Variants in GRAMD1B observed in about 807,000 individuals in gnomAD.
GRAMD1B encodes the protein GRAM domain containing 1B.
A neutral mutation model predicts 99.7 loss-of-function variants in GRAMD1B; 37 were observed. That is an observed-to-expected ratio of 0.37 (90% CI 0.29 to 0.49). GRAMD1B has a LOEUF of 0.49. Among genes scored for constraint, GRAMD1B ranks in the 20% least tolerant of loss-of-function variants. The pLI is 0.98. For synonymous variants in GRAMD1B, 427 were observed against 387.6 expected, an observed-to-expected ratio of 1.10 and a Z score of -1.19; for missense variants, 888 against 1,009.2, an observed-to-expected ratio of 0.88 and a Z score of 1.63.
Position 123,624,661 on chromosome 11 carries a change from T to G in GRAMD1B, c.*2066T>G, listed in dbSNP as rs1592330588. The G allele has an allele frequency of 6.6e-6, 1 of 152,112 alleles. No homozygotes were observed. The highest frequency in any genetic ancestry group is 1.5e-5 in the Non-Finnish European group (1 of 68,018). The allele number at this position is 152,112 out of a possible 1,614,324, so 9.4% of individuals were successfully genotyped here. A position where few individuals can be genotyped will look rare whatever the true frequency, so the allele number is the denominator to read the frequency against. On this transcript the variant is annotated 3_prime_UTR_variant, in exon 20 of 20. Transcript: ENST00000635736. ...GGCATGGTGCAGACTGCTGGAAATC[T>G]CCCCCTTGGCACAGCCAGAAGCCAA...
At chr11:123,598,123 G>A in intron 7 of GRAMD1B, 1 of 1,591,786 alleles carries the variant, frequency 6.3e-7, no homozygotes, top group Non-Finnish European at 8.6e-7. Flanking sequence ...AGTGAGCAGT[G>A]TTTGGGATGC....
intron 4 of GRAMD1B, among the ~76,000 whole-genome samples, chr11:123,593,262 C>CAAACA (rs1415320630): frequency 6.6e-6 from 1 of 150,702 alleles, no homozygotes; most frequent in Non-Finnish European, 1.5e-5. Context: ...AACAAACAAA[C>CAAACA]AAGATTGTAA....
intron 1 of GRAMD1B, among the ~76,000 whole-genome samples, chr11:123,375,588 C>T (rs544417707): frequency 6.6e-6 from 1 of 152,096 alleles, no homozygotes; most frequent in Non-Finnish European, 1.5e-5. Context: ...TAGCAATGTA[C>T]TAGATGCCAA....
intron 2 of GRAMD1B, chr11:123,525,894 C>T (rs1359479056): frequency 5.5e-6 from 3 of 542,272 alleles, no homozygotes; most frequent in Admixed American, 3.2e-5. Flanking sequence ...GCGGCTCCAG[C>T]CCCAGGCTGG....
chr11:123,403,303 T>C (rs915646710), intron 1 of GRAMD1B, among the ~76,000 whole-genome samples: 1 of 151,656 alleles, frequency 6.6e-6, no homozygotes, highest in Non-Finnish European at 1.5e-5. Context: ...GGTGCATGCC[T>C]GTAGTCCCAG....
chr11:123,526,529 C>T (rs943910381), intron 2 of GRAMD1B, among the ~76,000 whole-genome samples: 4 of 152,208 alleles, frequency 2.6e-5, no homozygotes, highest in Non-Finnish European at 5.9e-5. Context: ...AGGTGTTGTG[C>T]GTCTGCATCA....
Position 123,592,030 on chromosome 11 carries a change from G to C in GRAMD1B, c.685-2052G>C, listed in dbSNP as rs375972366. On this transcript the variant is annotated intron_variant, in intron 4 of 19. Coordinates refer to ENST00000635736, the MANE Select transcript of GRAMD1B (RefSeq NM_001387025.1). ...TATTACTGGATATGTGAGAAGCAAG[G>C]GGGAGAAGGCACTAGGACAGGAAAT... 3.0e-4 allele frequency among the ~76,000 whole-genome samples: 45 copies of C among 152,290 alleles called. No individual in the cohort carries two copies. The East Asian group carries it at 5.4e-3, about 18-fold the overall frequency.
intron 1 of GRAMD1B, among the ~76,000 whole-genome samples, chr11:123,371,210 G>T (rs763930947): frequency 6.6e-6 from 1 of 151,948 alleles, no homozygotes; most frequent in African/African-American, 2.4e-5. Context: ...TTGTTGAGAG[G>T]GTGACTGAGA....
In GRAMD1B at chr11:123,587,472, G is replaced by A. The variant is rs2136410797; in HGVS notation, c.684+3140G>A. Among the ~76,000 whole-genome samples the A allele has an allele frequency of 6.6e-6, 1 of 152,352 alleles. No homozygotes were observed. The highest frequency in any genetic ancestry group is 3.4e-3 in the Middle Eastern group (1 of 294). ...AGAAATAGGGTTTTGCCTTCAGCAG[G>A]GAGCCAAGGGCAGAGTTGAGGGGCA... is the stretch of plus-strand genomic sequence containing the variant. On this transcript the variant is annotated intron_variant, in intron 4 of 19. Coordinates refer to ENST00000635736, the MANE Select transcript of GRAMD1B (RefSeq NM_001387025.1). The surrounding 1 kb of genome is among the most constrained non-coding windows in gnomAD (Gnocchi z 4.2).
rs988226377 is a variant in GRAMD1B at position 123,564,213 on chromosome 11, G to A, written c.453-13154G>A. ...CTGAGGTGATGTGTCCCTGGCCAGA[G>A]AAAAGGCTGGTGATGCTGAGTTAAC... On this transcript the variant is annotated intron_variant, in intron 2 of 19. Transcript: ENST00000635736. Among the ~76,000 whole-genome samples the A allele has an allele frequency of 2.0e-5, 3 of 152,322 alleles. No homozygotes were observed. In the South Asian group the frequency reaches 6.2e-4, roughly 32 times the overall value.
chr11:123,429,254 T>C (rs1187702053), upstream of GRAMD1B, among the ~76,000 whole-genome samples: 5 of 151,980 alleles, frequency 3.3e-5, no homozygotes, highest in Non-Finnish European at 5.9e-5. The surrounding 1 kb of genome is among the most constrained non-coding windows in gnomAD (Gnocchi z 4.0). Flanking sequence ...GGGCTGGGGT[T>C]GAAGGAGGAG....
intron 1 of GRAMD1B, among the ~76,000 whole-genome samples, chr11:123,421,842 A>G (rs1948448000): frequency 6.6e-6 from 1 of 152,182 alleles, no homozygotes; most frequent in Non-Finnish European, 1.5e-5. Context: ...CAAGTTTATC[A>G]CTGAATTAAA....
chr11:123,489,268 T>A (rs1938265838), intron 2 of GRAMD1B, among the ~76,000 whole-genome samples: 1 of 152,162 alleles, frequency 6.6e-6, no homozygotes, highest in African/African-American at 2.4e-5. Context: ...TGAGTTTAAT[T>A]TAGTCATGTA....
rs1004959701 is a variant in GRAMD1B, at chr11:123,626,293, C to T, written c.*3698C>T. ...GCCTTAGAACACTGACACTAAGAAC[C>T]TGGAATGACATGGGGAGGACAAAGA... On this transcript the variant is annotated 3_prime_UTR_variant, in exon 20 of 20. Coordinates refer to ENST00000635736, the MANE Select transcript of GRAMD1B (RefSeq NM_001387025.1). 1.3e-5 allele frequency: 2 copies of T among 152,182 alleles called. No individual in the cohort carries two copies. The highest frequency in any genetic ancestry group is 4.8e-5 in the African/African-American group (2 of 41,430). The allele number at this position is 152,182 out of a possible 1,614,324, so 9.4% of individuals were successfully genotyped here. A position where few individuals can be genotyped will look rare whatever the true frequency, so the allele number is the denominator to read the frequency against.
intron 2 of GRAMD1B, among the ~76,000 whole-genome samples, chr11:123,517,535 T>A (rs1404393565): frequency 6.6e-6 from 1 of 152,076 alleles, no homozygotes; most frequent in Non-Finnish European, 1.5e-5. Context: ...GATGAAGGAG[T>A]TGAGGCTTAG....
At chr11:123,607,798 A>C (rs1791996) in intron 11 of GRAMD1B, 12,799 of 152,290 alleles carry the variant, frequency 0.084, 678 homozygotes, top group Admixed American at 0.16. Flanking sequence ...TGCAGTAATT[A>C]GGGACTGAGG....
intron 1 of GRAMD1B, among the ~76,000 whole-genome samples, chr11:123,440,169 A>G (rs1403882124): frequency 1.3e-4 from 20 of 152,256 alleles, no homozygotes; most frequent in Admixed American, 1.3e-3. Context: ...TAAAAAATGT[A>G]GTGCATGTGC....
intron 1 of GRAMD1B, among the ~76,000 whole-genome samples, chr11:123,376,066 G>A (rs919908195): frequency 1.3e-5 from 2 of 151,578 alleles, no homozygotes; most frequent in African/African-American, 4.9e-5. Flanking sequence ...AGTATGTTCT[G>A]GCTCTGACCT....
At chr11:123,559,211 T>C (rs913410800) in intron 2 of GRAMD1B, among the ~76,000 whole-genome samples, 1 of 152,230 alleles carries the variant, frequency 6.6e-6, no homozygotes, top group African/African-American at 2.4e-5. Context: ...AGAAGATTCT[T>C]AGGGGATTAA....
Sources: allele counts gnomAD v4.1 joint callset (sites outside exome capture counted in the v4.1 genomes callset), GRCh38; gene constraint gnomAD v4.1.1; non-coding constraint Gnocchi (gnomAD v3.1); transcripts MANE v1.5; gene names NCBI Gene and HGNC (gene_info 2026-07-23, HGNC 2026-07-21).